The following TASP1 variants were observed in gnomAD, a reference collection of about 807,000 sequenced individuals.
TASP1 encodes threonine aspartase 1.
TASP1 carries 16 observed loss-of-function variants against 56.6 expected under a neutral mutation model. The ratio of observed to expected loss-of-function variants is 0.28; its 90% CI spans 0.19 to 0.43. TASP1 has a LOEUF of 0.43. Ranked by LOEUF, TASP1 falls within the 20% of genes least tolerant of loss-of-function variation. The pLI is 1.00. For synonymous variants in TASP1, 179 were observed against 184.2 expected, an observed-to-expected ratio of 0.97 and a Z score of 0.23; for missense variants, 393 against 511.6, an observed-to-expected ratio of 0.77 and a Z score of 2.24.
the TASP1 span, among the ~76,000 whole-genome samples, chr20:13,304,907 T>C: frequency 6.6e-6 from 1 of 152,190 alleles, no homozygotes; most frequent in African/African-American, 2.4e-5. Context: ...CTCGCTGGAA[T>C]CTTCTACCAA....
intron 7 of TASP1, among the ~76,000 whole-genome samples, chr20:13,562,915 A>ATATGTGTGTGTGTGTG (rs1268813401): frequency 7.8e-6 from 1 of 128,680 alleles, no homozygotes; most frequent in Non-Finnish European, 1.6e-5. Flanking sequence ...ACATATATAT[A>ATATGTGTGTGTGTGTG]TGTGTGTGTG....
the TASP1 span, among the ~76,000 whole-genome samples, chr20:13,143,349 G>GTA: frequency 4.5e-4 from 68 of 151,686 alleles, no homozygotes; most frequent in Non-Finnish European, 6.2e-4. Context: ...GTGTATGAAA[G>GTA]TATATATATA....
At chr20:13,140,553 A>G in the TASP1 span, among the ~76,000 whole-genome samples, 4 of 152,278 alleles carry the variant, frequency 2.6e-5, no homozygotes, top group African/African-American at 9.6e-5. Flanking sequence ...CATTTTATCT[A>G]CTTTTGAAAG....
the TASP1 span, among the ~76,000 whole-genome samples, chr20:13,216,979 T>A: frequency 6.6e-6 from 1 of 152,188 alleles, no homozygotes; most frequent in African/African-American, 2.4e-5. Context: ...TGTACTAGAA[T>A]GCCCAGGAAG....
At chr20:13,443,435 G>C (rs1012471321) in intron 11 of TASP1, among the ~76,000 whole-genome samples, 1 of 152,146 alleles carries the variant, frequency 6.6e-6, no homozygotes, top group Non-Finnish European at 1.5e-5. Context: ...TAACATATGT[G>C]CAAGCAGCTG....
At chr20:13,355,459 G>A in the TASP1 span, among the ~76,000 whole-genome samples, 2 of 152,166 alleles carry the variant, frequency 1.3e-5, no homozygotes, top group East Asian at 3.9e-4. Context: ...CCGTGCCCAA[G>A]CTCCACCCTC....
chr20:13,151,258 T>C, the TASP1 span, among the ~76,000 whole-genome samples: 1 of 152,216 alleles, frequency 6.6e-6, no homozygotes, highest in Non-Finnish European at 1.5e-5. Context: ...CTCTAAATTT[T>C]TCACATCCAC....
chr20:13,164,612 A>T, the TASP1 span: 1 of 654,804 alleles, frequency 1.5e-6, no homozygotes, highest in Non-Finnish European at 2.7e-6. Flanking sequence ...AATGGTACGG[A>T]TCTTGCTTCT....
chr20:13,439,116 G>T (rs934904817), intron 11 of TASP1, among the ~76,000 whole-genome samples: 10 of 152,288 alleles, frequency 6.6e-5, no homozygotes, highest in African/African-American at 2.4e-4. Context: ...CAGGGATCTA[G>T]AACTAGAAAC....
intron 11 of TASP1, among the ~76,000 whole-genome samples, chr20:13,460,290 C>T (rs1600863898): frequency 6.6e-6 from 1 of 152,180 alleles, no homozygotes; most frequent in South Asian, 2.1e-4. Context: ...CAGGACTTCA[C>T]AAACTCCTGG....
chr20:13,114,120 G>C, the TASP1 span, among the ~76,000 whole-genome samples: 1 of 152,282 alleles, frequency 6.6e-6, no homozygotes, highest in Non-Finnish European at 1.5e-5. Context: ...CACATCCAAT[G>C]AAGTAAACAT....
chr20:13,592,103 A>G (rs2047554207), intron 4 of TASP1, among the ~76,000 whole-genome samples: 1 of 152,146 alleles, frequency 6.6e-6, no homozygotes, highest in Non-Finnish European at 1.5e-5. Flanking sequence ...CATATCAACA[A>G]TTACATTAAA....
intron 11 of TASP1, among the ~76,000 whole-genome samples, chr20:13,482,923 C>A (rs138081571): frequency 2.1e-3 from 323 of 152,282 alleles, no homozygotes; most frequent in African/African-American, 7.3e-3. Context: ...TTTCTCAGCA[C>A]ACATTTTGCC....
intron 11 of TASP1, among the ~76,000 whole-genome samples, chr20:13,452,621 G>A (rs926532179): frequency 4.6e-5 from 7 of 151,910 alleles, no homozygotes; most frequent in African/African-American, 1.7e-4. Flanking sequence ...TGACCACCCA[G>A]AACAGTGTCT....
the TASP1 span, among the ~76,000 whole-genome samples, chr20:13,198,851 TTTCTTTCC>T: frequency 4.8e-3 from 339 of 71,308 alleles, no homozygotes; most frequent in Middle Eastern, 0.02. Flanking sequence ...TCTTTCTTTC[TTTCTTTCC>T]TTCCTTCCTT....
At chr20:13,308,015 G>C in the TASP1 span, among the ~76,000 whole-genome samples, 2 of 152,172 alleles carry the variant, frequency 1.3e-5, no homozygotes, top group African/African-American at 4.8e-5. Context: ...TGGTTGTCCT[G>C]GTGGACACTC....
chr20:13,558,944 G>C, intron 8 of TASP1, 64 bp downstream of exon 8: 1 of 1,040,024 alleles, frequency 9.6e-7, no homozygotes, highest in African/African-American at 1.6e-5. Context: ...CCTAAAGCTT[G>C]TATCTAAATG....
intron 10 of TASP1, among the ~76,000 whole-genome samples, chr20:13,525,320 G>A (rs2044931839): frequency 6.6e-6 from 1 of 152,146 alleles, no homozygotes; most frequent in African/African-American, 2.4e-5. Flanking sequence ...GGGTCTGGAA[G>A]AGTCTGGACA....
At chr20:13,610,961 C>A (rs2048329902) in intron 4 of TASP1, among the ~76,000 whole-genome samples, 1 of 152,064 alleles carries the variant, frequency 6.6e-6, no homozygotes, top group African/African-American at 2.4e-5. Flanking sequence ...AAAAAAGCTA[C>A]AAATGATCCA....
Sources: gnomAD v4.1 joint callset for allele counts (sites outside exome capture counted in the v4.1 genomes callset) on GRCh38, gnomAD v4.1.1 for gene constraint, MANE v1.5 for transcripts, NCBI Gene and HGNC (gene_info 2026-07-23, HGNC 2026-07-21) for gene names.